CCDC88C: variants seen among roughly 807,000 people sequenced by gnomAD.
CCDC88C encodes coiled-coil and HOOK domain protein 88C.
Under a neutral mutation model 198.8 loss-of-function variants are expected in CCDC88C, and 131 were observed. That is an observed-to-expected ratio of 0.66 (90% CI 0.57 to 0.76). CCDC88C has a LOEUF of 0.76. Ranked by LOEUF, CCDC88C falls within the 30% of genes least tolerant of loss-of-function variation. The probability of loss-of-function intolerance (pLI) is 0.00; values close to 1 mark genes in which losing one functional copy is unlikely to be tolerated. For missense variants in CCDC88C, 2,553 were observed against 2,631.6 expected (o/e 0.97, Z 0.65); for synonymous variants, 1,166 against 1,114.7 (o/e 1.05, Z -0.92).
At chr14:91,297,135 T>G (rs998489362) in intron 22 of CCDC88C, among the ~76,000 whole-genome samples, 170 bp downstream of exon 22, 4 of 152,218 alleles carry the variant, frequency 2.6e-5, no homozygotes, top group African/African-American at 9.6e-5. Context: ...GAAGCCACAA[T>G]GACCCCCGTC....
rs1314508161 is a variant in CCDC88C at position 91,324,821 on chromosome 14, A to C, written c.1300T>G (p.Trp434Gly). 1 of 1,613,242 alleles carries C rather than the reference A, an allele frequency of 6.2e-7. No individual in the cohort carries two copies. Among genetic ancestry groups the C allele is most frequent in the Non-Finnish European group, 8.5e-7 (1 of 1,179,908 alleles). ...TTCTTGGACAGCTGCTCCAGCTCCC[A>C]GCCAAGGTGGGCAGATTCGTTCATG... ...QSMNESAHLG[W>G]ELEQLSKNAD... The change falls in exon 12 of 30, where the codon TGG becomes GGG. Residue 434 changes from tryptophan (W) to glycine (G), a missense_variant. Trp to Gly is a radical substitution (Grantham distance 184). Transcript: ENST00000389857.
At position 91,313,782 on chromosome 14, in the gene CCDC88C, C is replaced by T; in HGVS notation, c.2034G>A (p.Leu678=). The T allele has an allele frequency of 6.2e-7, 1 of 1,607,184 alleles. No homozygotes were observed. The highest frequency in any genetic ancestry group is 8.5e-7 in the Non-Finnish European group (1 of 1,179,420). Residue 678 remains leucine (L), a synonymous_variant, in exon 15 of 30, where the codon CTG becomes CTA. Coordinates refer to ENST00000389857, the MANE Select transcript of CCDC88C (RefSeq NM_001080414.4). This position sits in a 1 kb window ranked among gnomAD's most constrained non-coding sequence, Gnocchi z 5.2. ...SQGLQLENRT[L]RKSLDTLQNV... ...TCTGCAAGGTGTCCAGAGACTTCCT[C>T]AGAGTCCGGTTCTCCAGCTGCAGGC... is the stretch of plus-strand genomic sequence containing the variant.
chr14:91,359,725 G>A lies in CCDC88C; in HGVS notation c.271-14C>T. ...CTGGAGAACTTCCTGCAGAAACAAAGGGGGAAAAGATACCATTAAGAACCG... is the reference window on the plus strand; with the variant it reads ...CTGGAGAACTTCCTGCAGAAACAAAAGGGGAAAAGATACCATTAAGAACCG... On this transcript the variant is annotated splice_polypyrimidine_tract_variant and intron_variant, in intron 3 of 29. Coordinates refer to ENST00000389857, the MANE Select transcript of CCDC88C (RefSeq NM_001080414.4). 2 of 1,604,342 alleles carry A rather than the reference G, an allele frequency of 1.2e-6. No homozygotes were observed. Among genetic ancestry groups the A allele is most frequent in the East Asian group, 2.2e-5 (1 of 44,732 alleles).
intron 15 of CCDC88C, among the ~76,000 whole-genome samples, chr14:91,311,717 A>G (rs1024546862): frequency 2.0e-5 from 3 of 152,264 alleles, no homozygotes; most frequent in African/African-American, 7.2e-5. Flanking sequence ...ACCCCAGCAT[A>G]CTAAACAAAT....
intron 15 of CCDC88C, among the ~76,000 whole-genome samples, chr14:91,310,325 C>CA (rs1381657572): frequency 1.3e-5 from 2 of 152,060 alleles, no homozygotes; most frequent in Non-Finnish European, 2.9e-5. Flanking sequence ...TTCAACAAAG[C>CA]AACAAGTAAT....
chr14:91,273,283 G>T lies in CCDC88C; in HGVS notation c.5429C>A (p.Ala1810Asp), dbSNP rs554378720. The T allele has an allele frequency of 5.8e-6, 9 of 1,559,382 alleles. No individual in the cohort carries two copies. The African/African-American group carries it at 1.2e-4, about 21-fold the overall frequency. Residue 1810 changes from alanine (A) to aspartate (D), a missense_variant, in exon 30 of 30, where the codon GCT becomes GAT. By Grantham distance (126) the Ala-to-Asp change is moderately radical. Transcript: ENST00000389857. The surrounding 1 kb of genome is among the most constrained non-coding windows in gnomAD (Gnocchi z 5.6). ...SLSRAFSLASADLLRASGPEA... is the reference protein window; with the variant it reads ...SLSRAFSLASDDLLRASGPEA... ...TGGCCCGCTGGCCCGGAGAAGGTCA[G>T]CTGAGGCCAGGCTGAAGGCCCGGCT...
intron 10 of CCDC88C, among the ~76,000 whole-genome samples, chr14:91,331,454 G>A (rs1364764885): frequency 2.0e-5 from 3 of 152,226 alleles, no homozygotes; most frequent in Admixed American, 6.5e-5. Flanking sequence ...AGGCAGACCA[G>A]GCCACAGCAG....
Position 91,325,249 on chromosome 14 carries a change from G to A in CCDC88C, c.1198-326C>T, listed in dbSNP as rs1043562058. On this transcript the variant is annotated intron_variant, in intron 11 of 29. Coordinates refer to ENST00000389857, the MANE Select transcript of CCDC88C (RefSeq NM_001080414.4). The surrounding 1 kb of genome is among the most constrained non-coding windows in gnomAD (Gnocchi z 4.1). ...TGATGGGCAGCTCTGTGGCTCTAGC[G>A]AAGCCCTAACAGGCCTCTAAAGCTG... 8.5e-5 allele frequency among the ~76,000 whole-genome samples: 13 copies of A among 152,166 alleles called. No individual in the cohort carries two copies. Among genetic ancestry groups the A allele is most frequent in the East Asian group, 1.9e-4 (1 of 5,202 alleles).
intron 22 of CCDC88C, among the ~76,000 whole-genome samples, chr14:91,295,206 T>TCTA (rs1890949380): frequency 6.6e-6 from 1 of 152,192 alleles, no homozygotes. Context: ...AAACCAAAAT[T>TCTA]CTACCTGTTT....
chr14:91,415,001 G>A (rs1399419433), intron 2 of CCDC88C, among the ~76,000 whole-genome samples: 1 of 152,212 alleles, frequency 6.6e-6, no homozygotes, highest in Admixed American at 6.5e-5. Context: ...AATTCCAAAG[G>A]TCAGGGAAGA....
intron 24 of CCDC88C, 23 bp from the exon 25 acceptor site, chr14:91,289,366 G>A: frequency 6.2e-7 from 1 of 1,603,964 alleles, no homozygotes; most frequent in Non-Finnish European, 8.5e-7. Flanking sequence ...AGATGTTTAG[G>A]ACATAGCCAG....
chr14:91,341,918 G>A (rs922615537), intron 6 of CCDC88C, among the ~76,000 whole-genome samples: 8 of 152,184 alleles, frequency 5.3e-5, no homozygotes, highest in Middle Eastern at 3.2e-3. Context: ...TCTGGGACTC[G>A]CTGGTTTTGA....
At chr14:91,318,728 GC>G (rs1892216345) in intron 13 of CCDC88C, among the ~76,000 whole-genome samples, 1 of 151,880 alleles carries the variant, frequency 6.6e-6, no homozygotes, top group Admixed American at 6.6e-5. Context: ...GACCAGCCTG[GC>G]CAACATGGCG....
At chr14:91,387,244 C>G (rs1270643674) in intron 3 of CCDC88C, among the ~76,000 whole-genome samples, 1 of 152,212 alleles carries the variant, frequency 6.6e-6, no homozygotes, top group East Asian at 1.9e-4. Context: ...AACTGACAGT[C>G]AGTTTCAAGG....
intron 3 of CCDC88C, among the ~76,000 whole-genome samples, chr14:91,374,511 C>G (rs373690647): frequency 1.1e-4 from 17 of 152,134 alleles, no homozygotes; most frequent in African/African-American, 4.1e-4. Context: ...AGAGGGCCCT[C>G]GATGAATCGT....
At chr14:91,404,021 C>A (rs2140005900) in intron 3 of CCDC88C, among the ~76,000 whole-genome samples, 1 of 152,364 alleles carries the variant, frequency 6.6e-6, no homozygotes, top group South Asian at 2.1e-4. Context: ...ACAGGGTAAA[C>A]CTGGCCAGCC....
intron 3 of CCDC88C, among the ~76,000 whole-genome samples, chr14:91,403,053 G>A (rs1886297566): frequency 6.6e-6 from 1 of 152,142 alleles, no homozygotes; most frequent in Non-Finnish European, 1.5e-5. Context: ...TGCAACTGTA[G>A]CATTTCAGGC....
At chr14:91,350,418 TC>T (rs1479032971) in intron 4 of CCDC88C, among the ~76,000 whole-genome samples, 2 of 152,276 alleles carry the variant, frequency 1.3e-5, no homozygotes, top group African/African-American at 4.8e-5. Context: ...CGTCTTGGCC[TC>T]CCAAAGTGCC....
At chr14:91,351,478 A>C (rs1893792079) in intron 4 of CCDC88C, among the ~76,000 whole-genome samples, 1 of 152,142 alleles carries the variant, frequency 6.6e-6, no homozygotes, top group East Asian at 1.9e-4. Context: ...ACTGCCGAGG[A>C]ATACTCAAGG....
Sources: allele counts gnomAD v4.1 joint callset (sites outside exome capture counted in the v4.1 genomes callset), GRCh38; gene constraint gnomAD v4.1.1; non-coding constraint Gnocchi (gnomAD v3.1); transcripts MANE v1.5; gene names NCBI Gene and HGNC (gene_info 2026-07-23, HGNC 2026-07-21).